ANKRD44: variants seen among roughly 807,000 people sequenced by gnomAD.
The protein encoded by ANKRD44 is serine/threonine-protein phosphatase 6 regulatory ankyrin repeat subunit B.
A neutral mutation model predicts 116.0 loss-of-function variants in ANKRD44; 35 were observed. The ratio of observed to expected loss-of-function variants is 0.30; its 90% confidence interval spans 0.23 to 0.40. The LOEUF is 0.40. Ranked by LOEUF, ANKRD44 falls within the 10% of genes least tolerant of loss-of-function variation. The probability of loss-of-function intolerance (pLI) is 1.00; values close to 1 mark genes in which losing one functional copy is unlikely to be tolerated. For missense variants in ANKRD44, 1,014 were observed against 1,242.6 expected (o/e 0.82, Z 2.77); for synonymous variants, 435 against 461.8 (o/e 0.94, Z 0.74).
At chr2:197,162,252 T>C (rs1004758383) in intron 2 of ANKRD44, among the ~76,000 whole-genome samples, 2 of 152,216 alleles carry the variant, frequency 1.3e-5, no homozygotes, top group African/African-American at 2.4e-5. Flanking sequence ...TGTTCCAACA[T>C]GATTTTCTCT....
At chr2:197,274,516 A>T (rs1057509563) in intron 1 of ANKRD44, among the ~76,000 whole-genome samples, 1 of 152,140 alleles carries the variant, frequency 6.6e-6, no homozygotes, top group East Asian at 1.9e-4. Context: ...AGAGGTAAGG[A>T]TATAAAGGCC....
At chr2:197,128,997 G>A (rs1337322688) in intron 4 of ANKRD44, among the ~76,000 whole-genome samples, 2 of 152,022 alleles carry the variant, frequency 1.3e-5, no homozygotes, top group Non-Finnish European at 2.9e-5. Context: ...TAAAGTTAAT[G>A]GGCATGAAAT....
intron 1 of ANKRD44, among the ~76,000 whole-genome samples, chr2:197,227,404 C>T (rs976308888): frequency 3.3e-5 from 5 of 152,174 alleles, no homozygotes; most frequent in African/African-American, 1.2e-4. Flanking sequence ...CCCATTGCAT[C>T]GCTGGCCCCT....
intron 1 of ANKRD44, among the ~76,000 whole-genome samples, chr2:197,229,427 A>C (rs1041024473): frequency 6.6e-6 from 1 of 152,176 alleles, no homozygotes; most frequent in Non-Finnish European, 1.5e-5. Flanking sequence ...TATGTGTAAA[A>C]ATAGAAATTT....
intron 25 of ANKRD44, among the ~76,000 whole-genome samples, chr2:196,996,254 T>C (rs988012746): frequency 1.3e-5 from 2 of 152,228 alleles, no homozygotes. Context: ...TTCGTTTGCA[T>C]GATAAAGTTT....
rs185932229 is a variant in ANKRD44, at chr2:197,150,877, T to C, written c.112-3772A>G. Among the ~76,000 whole-genome samples, 179 of 152,128 alleles carry C rather than the reference T, an allele frequency of 1.2e-3. 1 individual carries two copies. The highest frequency in any genetic ancestry group is 1.9e-3 in the Non-Finnish European group (129 of 67,990). On this transcript the variant is annotated intron_variant, in intron 2 of 27. Coordinates refer to ENST00000282272, the MANE Select transcript of ANKRD44 (RefSeq NM_001195144.2). ...CAAAGAAAGACCCTTGAAGTGGCCT[T>C]GAAGAAAGACTCCTGAGGTGAAATA...
chr2:196,982,494 T>C (rs2075809234), downstream of ANKRD44, among the ~76,000 whole-genome samples: 1 of 152,114 alleles, frequency 6.6e-6, no homozygotes, highest in Non-Finnish European at 1.5e-5. Flanking sequence ...TCCATTTTCA[T>C]TGGGTAGGAC....
intron 13 of ANKRD44, among the ~76,000 whole-genome samples, chr2:197,084,754 T>TAA (rs147717960): frequency 4.6e-5 from 7 of 151,346 alleles, no homozygotes; most frequent in African/African-American, 1.7e-4. Context: ...CCTCTTTAGT[T>TAA]AAAAAAAAAG....
intron 9 of ANKRD44, among the ~76,000 whole-genome samples, chr2:197,100,434 C>CA (rs959035703): frequency 1.4e-4 from 21 of 148,830 alleles, no homozygotes; most frequent in African/African-American, 4.7e-4. Context: ...GACTCCGTCT[C>CA]AAAAAAAAAG....
intron 27 of ANKRD44, chr2:196,990,308 G>C (rs1452003167): frequency 2.0e-6 from 2 of 991,902 alleles, no homozygotes; most frequent in Non-Finnish European, 2.4e-6. Context: ...ATGTCACACT[G>C]ATATACTTCT....
At chr2:197,308,595 T>A (rs1277665390) in intron 1 of ANKRD44, among the ~76,000 whole-genome samples, 1 of 152,164 alleles carries the variant, frequency 6.6e-6, no homozygotes, top group African/African-American at 2.4e-5. Flanking sequence ...TCTTTTTACG[T>A]ATCTGGAGAT....
At chr2:197,091,992 T>C (rs1211991244) in intron 10 of ANKRD44, among the ~76,000 whole-genome samples, 1 of 152,176 alleles carries the variant, frequency 6.6e-6, no homozygotes, top group Non-Finnish European at 1.5e-5. Flanking sequence ...GATGACCCCT[T>C]AAGGGACAGA....
At chr2:197,178,315 T>TAA (rs60822078) in intron 2 of ANKRD44, among the ~76,000 whole-genome samples, 6 of 151,600 alleles carry the variant, frequency 4.0e-5, no homozygotes, top group Non-Finnish European at 5.9e-5. Flanking sequence ...TACAAAAAGT[T>TAA]AAAAAATTAG....
chr2:197,199,334 T>C (rs2081041174), intron 1 of ANKRD44: 1 of 152,228 alleles, frequency 6.6e-6, no homozygotes, highest in South Asian at 2.1e-4. Flanking sequence ...TAAAACTTAC[T>C]TTTTTAATCA....
At chr2:197,020,987 CTG>C (rs2076487906) in intron 17 of ANKRD44, among the ~76,000 whole-genome samples, 1 of 152,118 alleles carries the variant, frequency 6.6e-6, no homozygotes, top group African/African-American at 2.4e-5. Context: ...GTGATGTTCC[CTG>C]CCCTGTGTCC....
In ANKRD44 at chr2:197,249,339, A is replaced by G. The variant is rs565761224; in HGVS notation, c.27+61239T>C. ...ATCCCACTAGAAAACACATTTGACAAGTAATTTTTATCAAGTCACTAAACC... is the reference window on the plus strand; with the variant it reads ...ATCCCACTAGAAAACACATTTGACAGGTAATTTTTATCAAGTCACTAAACC... On this transcript the variant is annotated intron_variant, in intron 1 of 27. Transcript: ENST00000282272. Among the ~76,000 whole-genome samples the G allele has an allele frequency of 2.0e-5, 3 of 152,350 alleles. No individual in the cohort carries two copies. In the South Asian group the frequency reaches 6.2e-4, roughly 32 times the overall value.
intron 2 of ANKRD44, among the ~76,000 whole-genome samples, chr2:197,157,577 C>T (rs764741705): frequency 4.4e-4 from 65 of 148,458 alleles, no homozygotes; most frequent in Non-Finnish European, 7.4e-4. Context: ...ACTCAGGAGG[C>T]TGAGGCAGGA....
intron 8 of ANKRD44, among the ~76,000 whole-genome samples, chr2:197,112,387 G>A (rs1323994860): frequency 6.6e-6 from 1 of 151,574 alleles, no homozygotes; most frequent in African/African-American, 2.4e-5. Flanking sequence ...GACTGCCCAC[G>A]TCTGAATCAC....
At chr2:197,046,877 A>G (rs2077011485) in intron 16 of ANKRD44, among the ~76,000 whole-genome samples, 1 of 152,258 alleles carries the variant, frequency 6.6e-6, no homozygotes, top group African/African-American at 2.4e-5. Flanking sequence ...CCATGAATAG[A>G]AATTAATTTC....
Sources: allele counts gnomAD v4.1 joint callset (sites outside exome capture counted in the v4.1 genomes callset), GRCh38; gene constraint gnomAD v4.1.1; transcripts MANE v1.5; gene names NCBI Gene and HGNC (gene_info 2026-07-23, HGNC 2026-07-21).